Variants in DNAH12 observed in about 807,000 individuals in gnomAD.
DNAH12 encodes the protein axonemal beta dynein heavy chain 12.
Under a neutral mutation model 371.5 loss-of-function variants are expected in DNAH12, and 285 were observed. That is an observed-to-expected ratio of 0.77 (90% confidence interval 0.70 to 0.85). DNAH12 has a LOEUF of 0.85. Among genes scored for constraint, DNAH12 ranks in the 40% least tolerant of loss-of-function variants. The probability of loss-of-function intolerance (pLI) is 0.00; values close to 1 mark genes in which losing one functional copy is unlikely to be tolerated. For missense variants in DNAH12, 3,611 were observed against 3,689.4 expected, an observed-to-expected ratio of 0.98 and a Z score of 0.55; for synonymous variants, 1,200 against 1,213.0, an observed-to-expected ratio of 0.99 and a Z score of 0.22.
upstream of DNAH12, among the ~76,000 whole-genome samples, chr3:57,545,729 A>AT (rs2069526853): frequency 6.6e-6 from 1 of 152,074 alleles, no homozygotes; most frequent in South Asian, 2.1e-4. Flanking sequence ...GCAGGCACCA[A>AT]TAAGGGAACT....
At chr3:57,489,738 A>C in intron 11 of DNAH12, 51 bp from the exon 12 acceptor site, 1 of 1,418,660 alleles carries the variant, frequency 7.0e-7, no homozygotes, top group South Asian at 1.4e-5. Context: ...ACTTTCAGTG[A>C]TTTTATAATA....
At chr3:57,479,719 A>T (rs1172514881) in intron 13 of DNAH12, among the ~76,000 whole-genome samples, 2 of 152,078 alleles carry the variant, frequency 1.3e-5, no homozygotes, top group Non-Finnish European at 1.5e-5. Context: ...ATAACAAACT[A>T]TCTCTCAGAC....
chr3:57,514,472 A>G (rs142802942), intron 4 of DNAH12, among the ~76,000 whole-genome samples: 1 of 152,150 alleles, frequency 6.6e-6, no homozygotes, highest in South Asian at 2.1e-4. Flanking sequence ...ATTTTGTGTA[A>G]GAAAACATAC....
chr3:57,492,557 C>T (rs2067164721), intron 11 of DNAH12, among the ~76,000 whole-genome samples: 3 of 151,936 alleles, frequency 2.0e-5, no homozygotes. Context: ...GCATACTAAC[C>T]ACAACTATAG....
intron 25 of DNAH12, among the ~76,000 whole-genome samples, chr3:57,448,566 CAAA>C (rs1186591413): frequency 6.6e-6 from 1 of 152,162 alleles, no homozygotes; most frequent in African/African-American, 2.4e-5. Flanking sequence ...AGATTTATTG[CAAA>C]AAGCAAAAGA....
At chr3:57,303,219 G>C (rs1044228610) in intron 69 of DNAH12, among the ~76,000 whole-genome samples, 8 of 150,734 alleles carry the variant, frequency 5.3e-5, no homozygotes, top group Non-Finnish European at 1.0e-4. Context: ...GGCGCCTGTA[G>C]TCCCAGCTAC....
intron 13 of DNAH12, among the ~76,000 whole-genome samples, chr3:57,476,256 G>A (rs188561745): frequency 1.3e-5 from 2 of 152,174 alleles, no homozygotes; most frequent in East Asian, 1.9e-4. Flanking sequence ...AAAAAAACAA[G>A]GAAGTAATCA....
chr3:57,405,232 T>G, intron 41 of DNAH12, 85 bp from the exon 42 acceptor site: 1 of 1,215,148 alleles, frequency 8.2e-7, no homozygotes, highest in South Asian at 1.6e-5. Flanking sequence ...TCATCCATGT[T>G]ATAAAGTAAT....
intron 51 of DNAH12, among the ~76,000 whole-genome samples, chr3:57,379,953 C>T (rs1425544045): frequency 6.7e-6 from 1 of 149,394 alleles, no homozygotes; most frequent in African/African-American, 2.5e-5. Flanking sequence ...AAATAATATG[C>T]TATACTTTTT....
At position 57,411,526 on chromosome 3, in the gene DNAH12, C is replaced by CAA. The variant is rs57344840; in HGVS notation, c.6020+2218_6020+2219dup. ...TGGGTGACAGAGTGAGACACTGTCTCAAAAAAAAAAAAAAAAAAAAAAAAA... is the reference window on the plus strand; with the variant it reads ...TGGGTGACAGAGTGAGACACTGTCTCAAAAAAAAAAAAAAAAAAAAAAAAAAA... On this transcript the variant is annotated intron_variant, in intron 39 of 73. Coordinates refer to ENST00000495027, the MANE Select transcript of DNAH12 (RefSeq NM_001366028.2). Among the ~76,000 whole-genome samples, 204 of 39,054 alleles carry CAA rather than the reference C, an allele frequency of 5.2e-3. 2 individuals are homozygous for CAA. Among genetic ancestry groups the CAA allele is most frequent in the Non-Finnish European group, 7.5e-3 (147 of 19,692 alleles). 25.6% of individuals were successfully genotyped at this position (39,054 alleles called of 152,430 possible). A position where few individuals can be genotyped will look rare whatever the true frequency, so the allele number is the denominator to read the frequency against.
At chr3:57,554,939 T>C in the DNAH12 span, among the ~76,000 whole-genome samples, 1 of 151,958 alleles carries the variant, frequency 6.6e-6, no homozygotes, top group Admixed American at 6.6e-5. Flanking sequence ...TTAAAAGAAA[T>C]AGCAATAAAG....
chr3:57,338,116 G>A (rs1226738768), intron 60 of DNAH12, among the ~76,000 whole-genome samples: 2 of 152,188 alleles, frequency 1.3e-5, no homozygotes, highest in South Asian at 2.1e-4. Context: ...GGGCTCCCGT[G>A]ATTCTCCTGC....
chr3:57,449,980 G>T (rs1304448094), intron 25 of DNAH12, among the ~76,000 whole-genome samples: 1 of 152,210 alleles, frequency 6.6e-6, no homozygotes, highest in African/African-American at 2.4e-5. Flanking sequence ...GGGCACAGTG[G>T]CTCACACCCG....
chr3:57,333,583 G>A (rs908266326), intron 62 of DNAH12, among the ~76,000 whole-genome samples: 7 of 151,800 alleles, frequency 4.6e-5, no homozygotes, highest in South Asian at 4.2e-4. Context: ...TGTCCTCCTC[G>A]GCCTCCCAAA....
At chr3:57,432,680 C>T (rs751116388) in intron 32 of DNAH12, among the ~76,000 whole-genome samples, 16 of 151,720 alleles carry the variant, frequency 1.1e-4, no homozygotes, top group Admixed American at 2.0e-4. Context: ...AATATGATTC[C>T]AATGTATTAA....
Position 57,468,818 on chromosome 3 carries a change from T to A in DNAH12, c.2267A>T (p.Glu756Val), listed in dbSNP as rs200191665. The A allele has an allele frequency of 1.2e-4, 179 of 1,536,352 alleles. 1 individual carries two copies. Among genetic ancestry groups the A allele is most frequent in the Admixed American group, 8.6e-4 (39 of 45,528 alleles). ...RKAARKRSLE[E>V]EKIEEEPKDN... is the part of the protein sequence containing the mutation. ...TTTTGGTTCTTCTTCAATTTTCTCT[T>A]CTTCCAAAGACCGTTTTCTTGCTGC... Residue 756 changes from glutamate to valine, a missense_variant, in exon 17 of 74, where the codon GAA becomes GTA. Glu to Val is a moderately radical substitution (Grantham distance 121). Coordinates refer to ENST00000495027, the MANE Select transcript of DNAH12 (RefSeq NM_001366028.2).
At chr3:57,488,074 T>C (rs192877092) in intron 12 of DNAH12, among the ~76,000 whole-genome samples, 86 of 152,324 alleles carry the variant, frequency 5.6e-4, no homozygotes, top group Non-Finnish European at 3.7e-4. Flanking sequence ...GCTTATTCAA[T>C]TTAAGATATT....
chr3:57,355,232 T>C (rs971656657), intron 59 of DNAH12, among the ~76,000 whole-genome samples: 2 of 152,074 alleles, frequency 1.3e-5, no homozygotes, highest in African/African-American at 2.4e-5. Flanking sequence ...CATAGGACCA[T>C]GGGAATGGGA....
intron 25 of DNAH12, 78 bp downstream of exon 25, chr3:57,452,765 G>T: frequency 7.5e-7 from 1 of 1,326,318 alleles, no homozygotes; most frequent in Non-Finnish European, 1.0e-6. Context: ...ACTACTCCAG[G>T]TAAGACAAGA....
Sources: gnomAD v4.1 joint callset for allele counts (sites outside exome capture counted in the v4.1 genomes callset) on GRCh38, gnomAD v4.1.1 for gene constraint, MANE v1.5 for transcripts, NCBI Gene and HGNC (gene_info 2026-07-23, HGNC 2026-07-21) for gene names.